GLCCI1: variants seen among roughly 807,000 people sequenced by gnomAD.
GLCCI1 encodes glucocorticoid induced 1.
In GLCCI1, 24 loss-of-function variants were observed where a neutral mutation model predicts 52.2. The ratio of observed to expected loss-of-function variants is 0.46; its 90% CI spans 0.33 to 0.65. GLCCI1 has a LOEUF of 0.65. GLCCI1 is among the 30% of genes least tolerant of loss of function. GLCCI1 has a pLI of 0.02. For synonymous variants in GLCCI1, 310 were observed against 276.5 expected (o/e 1.12, Z -1.20); for missense variants, 704 against 701.5 (o/e 1.00, Z -0.04).
intron 1 of GLCCI1, among the ~76,000 whole-genome samples, chr7:7,984,839 T>C (rs1780691350): frequency 6.6e-6 from 1 of 152,246 alleles, no homozygotes; most frequent in South Asian, 2.1e-4. Flanking sequence ...GAATGTGGTA[T>C]TCAAATAACC....
At chr7:8,010,773 A>G (rs941585342) in intron 2 of GLCCI1, among the ~76,000 whole-genome samples, 1 of 152,140 alleles carries the variant, frequency 6.6e-6, no homozygotes, top group East Asian at 1.9e-4. Flanking sequence ...GGGGACACAT[A>G]TTTTGAGAAA....
At chr7:7,999,151 A>G (rs775797615) in intron 1 of GLCCI1, among the ~76,000 whole-genome samples, 5 of 151,876 alleles carry the variant, frequency 3.3e-5, no homozygotes, top group Non-Finnish European at 4.4e-5. Context: ...AGTGTAGAGC[A>G]TGTGATCTTT....
At chr7:8,011,762 G>A (rs990410168) in intron 2 of GLCCI1, among the ~76,000 whole-genome samples, 17 of 151,982 alleles carry the variant, frequency 1.1e-4, no homozygotes, top group African/African-American at 4.1e-4. Context: ...ACTCACATTA[G>A]CAACGCACAG....
At chr7:8,043,745 G>GA (rs1335149240) in intron 3 of GLCCI1, among the ~76,000 whole-genome samples, 1 of 151,732 alleles carries the variant, frequency 6.6e-6, no homozygotes, top group African/African-American at 2.4e-5. Context: ...CAATAAAACT[G>GA]AAAAAAGGGA....
At chr7:8,011,068 G>A (rs1446617179) in intron 2 of GLCCI1, among the ~76,000 whole-genome samples, 3 of 151,908 alleles carry the variant, frequency 2.0e-5, no homozygotes, top group Non-Finnish European at 2.9e-5. Context: ...GCAGTGAGCC[G>A]AGATCATGTG....
At chr7:7,983,962 G>T (rs910848330) in intron 1 of GLCCI1, among the ~76,000 whole-genome samples, 26 of 152,208 alleles carry the variant, frequency 1.7e-4, no homozygotes, top group Non-Finnish European at 2.9e-5. Context: ...CATATTAAAA[G>T]ATGGAAGATA....
intron 2 of GLCCI1, among the ~76,000 whole-genome samples, chr7:8,012,761 C>T (rs1024621890): frequency 6.6e-6 from 1 of 151,994 alleles, no homozygotes; most frequent in Non-Finnish European, 1.5e-5. Context: ...CCTTTTTATT[C>T]TTTTGATAGT....
intron 1 of GLCCI1, among the ~76,000 whole-genome samples, chr7:7,995,384 C>T (rs562169771): frequency 6.6e-6 from 1 of 152,224 alleles, no homozygotes; most frequent in South Asian, 2.1e-4. Context: ...GTAGCATGTG[C>T]CTGTAGCCCC....
At position 7,969,700 on chromosome 7, in the gene GLCCI1, C is replaced by G. The variant is rs564447167; in HGVS notation, c.350C>G (p.Pro117Arg). The G allele has an allele frequency of 6.3e-6, 8 of 1,263,114 alleles. No individual in the cohort carries two copies. Among genetic ancestry groups the G allele is most frequent in the South Asian group, 1.7e-5 (1 of 60,050 alleles). The allele number at this position is 1,263,114 out of a possible 1,614,324, so 78.2% of individuals were successfully genotyped here. A position where few individuals can be genotyped will look rare whatever the true frequency, so the allele number is the denominator to read the frequency against. ...CCGACGCCGCCGGCGGCCGCAGCCC[C>G]GGCCGAGCAGGCGCCGCGGGCCAAG... The part of the protein sequence containing the change: ...SSPTPPAAAA[P>R]AEQAPRAKGR... Residue 117 changes from proline to arginine, a missense_variant, in exon 1 of 8, where the codon CCG (proline) becomes CGG (arginine). By Grantham distance (103) the Pro-to-Arg change is moderately radical. Transcript: ENST00000223145. The surrounding 1 kb of genome is among the most constrained non-coding windows in gnomAD (Gnocchi z 4.9).
At chr7:7,976,488 A>AAAAAAAAAAAAAAAC (rs1780472662) in intron 1 of GLCCI1, among the ~76,000 whole-genome samples, 1 of 145,232 alleles carries the variant, frequency 6.9e-6, no homozygotes, top group Non-Finnish European at 1.5e-5. Context: ...TCAAAAAAAA[A>AAAAAAAAAAAAAAAC]AAAAAAAAAA....
chr7:7,999,935 C>CA (rs1349870270), intron 1 of GLCCI1, among the ~76,000 whole-genome samples: 7 of 151,920 alleles, frequency 4.6e-5, no homozygotes, highest in South Asian at 2.1e-4. Flanking sequence ...ACCACCCCTT[C>CA]AAAAAAACCA....
At chr7:8,000,408 T>G (rs1399441813) in intron 1 of GLCCI1, among the ~76,000 whole-genome samples, 5 of 151,744 alleles carry the variant, frequency 3.3e-5, no homozygotes, top group Non-Finnish European at 7.4e-5. Flanking sequence ...GGGGAGGAGG[T>G]AAAGATAAAG....
intron 7 of GLCCI1, among the ~76,000 whole-genome samples, chr7:8,085,753 A>G (rs938792798): frequency 6.6e-6 from 1 of 151,644 alleles, no homozygotes; most frequent in African/African-American, 2.4e-5. Flanking sequence ...TCCCCACTCC[A>G]CCCCCCATCT....
At chr7:7,992,136 A>G (rs1780854957) in intron 1 of GLCCI1, among the ~76,000 whole-genome samples, 1 of 147,846 alleles carries the variant, frequency 6.8e-6, no homozygotes, top group Admixed American at 6.8e-5. Flanking sequence ...TCTCATATAT[A>G]TATATATCTG....
At position 8,063,435 on chromosome 7, in the gene GLCCI1, C is replaced by T. The variant is rs7806266; in HGVS notation, c.966+3187C>T. 5.3e-3 allele frequency among the ~76,000 whole-genome samples: 812 copies of T among 151,906 alleles called. 9 individuals carry two copies. The highest frequency in any genetic ancestry group is 0.017 in the Middle Eastern group (5 of 292). On this transcript the variant is annotated intron_variant, in intron 5 of 7. Transcript: ENST00000223145. The stretch of plus-strand genomic sequence containing the variant: ...TGCTAGGATTACAGGTGTGAGCCAC[C>T]GCACCCAGCCTGTTTTTTGACTTTT...
At position 7,969,132 on chromosome 7, in the gene GLCCI1, T is replaced by G; in HGVS notation, c.-219T>G. ...GAGCCCAGCCGGGCGGTTGCGGCCG[T>G]TGGACGTTTGTTTTCGCAGCCTTCC... On this transcript the variant is annotated 5_prime_UTR_variant, in exon 1 of 8. Transcript: ENST00000223145. The surrounding 1 kb of genome is among the most constrained non-coding windows in gnomAD (Gnocchi z 4.9). 1.4e-5 allele frequency: 4 copies of G among 294,950 alleles called. No homozygotes were observed. The highest frequency in any genetic ancestry group is 2.2e-5 in the Non-Finnish European group (4 of 183,810). The allele number at this position is 294,950 out of a possible 1,614,324, so 18.3% of individuals were successfully genotyped here.
At position 8,039,375 on chromosome 7, in the gene GLCCI1, A is replaced by G. The variant is rs562743760; in HGVS notation, c.697-16058A>G. Reference sequence around the variant, plus strand: ...AGCAAAGATAAGGAATTAAGTGTCAATGGCTGATCAGATAAAGAAAATGTG... The same window carrying G: ...AGCAAAGATAAGGAATTAAGTGTCAGTGGCTGATCAGATAAAGAAAATGTG... On this transcript the variant is annotated intron_variant, in intron 3 of 7. Transcript: ENST00000223145. Among the ~76,000 whole-genome samples the G allele has an allele frequency of 4.6e-5, 7 of 152,268 alleles. No individual in the cohort carries two copies. The East Asian group carries it at 7.7e-4, about 17-fold the overall frequency.
At chr7:8,023,686 C>T (rs972173583) in intron 3 of GLCCI1, among the ~76,000 whole-genome samples, 2 of 145,480 alleles carry the variant, frequency 1.4e-5, no homozygotes, top group Non-Finnish European at 3.0e-5. Flanking sequence ...GCAGCTTCCA[C>T]CTCCCAGGTT....
At chr7:7,976,479 C>CAAAAAAAAAAAAAAAAAAAAAAAAAAAAA (rs35255634) in intron 1 of GLCCI1, among the ~76,000 whole-genome samples, 1 of 24,680 alleles carries the variant, frequency 4.1e-5, no homozygotes, top group African/African-American at 2.0e-4. Flanking sequence ...AACTCCATCT[C>CAAAAAAAAAAAAAAAAAAAAAAAAAAAAA]AAAAAAAAAA....
Sources: allele counts gnomAD v4.1 joint callset (sites outside exome capture counted in the v4.1 genomes callset), GRCh38; gene constraint gnomAD v4.1.1; non-coding constraint Gnocchi (gnomAD v3.1); transcripts MANE v1.5; gene names NCBI Gene and HGNC (gene_info 2026-07-23, HGNC 2026-07-21).